TTC34: variants seen among roughly 807,000 people sequenced by gnomAD.
TTC34 encodes the protein tetratricopeptide repeat protein 34.
Under a neutral mutation model 40.7 loss-of-function variants are expected in TTC34, and 44 were observed. The ratio of observed to expected loss-of-function variants is 1.08; its 90% CI spans 0.85 to 1.39. The LOEUF (loss-of-function observed/expected upper bound fraction) is 1.39. Ranked by LOEUF, TTC34 falls within the 40% of genes most tolerant of loss-of-function variation. The pLI, the probability that TTC34 is intolerant of heterozygous loss-of-function variation, is 0.00. For missense variants in TTC34, 884 were observed against 838.0 expected (o/e 1.05, Z -0.68); for synonymous variants, 422 against 398.6 (o/e 1.06, Z -0.70).
intron 8 of TTC34, among the ~76,000 whole-genome samples, chr1:2,643,003 G>T (rs1206371838): frequency 6.6e-6 from 1 of 152,184 alleles, no homozygotes; most frequent in Non-Finnish European, 1.5e-5. Flanking sequence ...ACCTGACCCC[G>T]ACCCGTAGTT....
At chr1:2,673,376 G>A (rs1639770754) in intron 6 of TTC34, among the ~76,000 whole-genome samples, 1 of 67,922 alleles carries the variant, frequency 1.5e-5, no homozygotes, top group South Asian at 4.1e-4. Context: ...GCATCTGAGG[G>A]CCTGGGTCGG....
chr1:2,687,427 T>A (rs1188293071), intron 6 of TTC34, among the ~76,000 whole-genome samples: 1 of 55,968 alleles, frequency 1.8e-5, no homozygotes. Context: ...CATCTGATGG[T>A]CTGGAGCAGC....
At chr1:2,789,843 C>A (rs1163372973) in exon 3 of TTC34, 2 of 432,620 alleles carry the variant, frequency 4.6e-6, no homozygotes, top group African/African-American at 4.1e-5. Flanking sequence ...CGCCGCGAGT[C>A]CCCGGCGTGC....
intron 6 of TTC34, among the ~76,000 whole-genome samples, chr1:2,777,455 C>T (rs1398597680): frequency 6.6e-6 from 1 of 152,186 alleles, no homozygotes; most frequent in Non-Finnish European, 1.5e-5. Flanking sequence ...AAGTCCTGCC[C>T]CCCGGTTAGT....
At chr1:2,660,824 A>T (rs1386044833) in intron 6 of TTC34, among the ~76,000 whole-genome samples, 2 of 62,838 alleles carry the variant, frequency 3.2e-5, no homozygotes, top group Non-Finnish European at 6.1e-5. Context: ...CTGGAACAGC[A>T]CCCACATCCC....
At chr1:2,688,456 G>T (rs531142348) in intron 6 of TTC34, among the ~76,000 whole-genome samples, 106 of 117,528 alleles carry the variant, frequency 9.0e-4, no homozygotes, top group Admixed American at 5.1e-3. Flanking sequence ...ACACCCCTAG[G>T]TGAACATCCG....
chr1:2,784,676 T>G (rs995976788), intron 5 of TTC34, among the ~76,000 whole-genome samples: 28 of 152,194 alleles, frequency 1.8e-4, no homozygotes, highest in African/African-American at 6.3e-4. Flanking sequence ...CACCTGACCC[T>G]ACACCCACTG....
chr1:2,685,851 C>T (rs1198144979), intron 6 of TTC34, among the ~76,000 whole-genome samples: 2 of 120,936 alleles, frequency 1.7e-5, no homozygotes, highest in Non-Finnish European at 3.5e-5. Context: ...CCAGGTGAGC[C>T]TCTGACAGCC....
At chr1:2,773,031 T>G (rs911376862) in intron 6 of TTC34, among the ~76,000 whole-genome samples, 1 of 146,088 alleles carries the variant, frequency 6.8e-6, no homozygotes, top group Non-Finnish European at 1.5e-5. Context: ...CAGGCGAGCA[T>G]CTGACAGCCT....
rs1366112945 is a variant in TTC34, at chr1:2,645,140, G to C, written c.2497+153C>G. On this transcript the variant is annotated intron_variant, in intron 7 of 8. Transcript: ENST00000401095. The surrounding 1 kb of genome is among the most constrained non-coding windows in gnomAD (Gnocchi z 4.7). ...CGCCAGGCCTCACACAGGGAGCAGG[G>C]CCAGAGGTCATGGGATTTGGGGTGG... is the stretch of plus-strand genomic sequence containing the variant. Among the ~76,000 whole-genome samples the C allele has an allele frequency of 3.3e-5, 5 of 152,200 alleles. No individual in the cohort carries two copies. The highest frequency in any genetic ancestry group is 1.2e-4 in the African/African-American group (5 of 41,466).
chr1:2,787,673 C>A (rs1315990590), exon 4 of TTC34: 1 of 1,548,124 alleles, frequency 6.5e-7, no homozygotes, highest in Admixed American at 2.0e-5. Context: ...GCTCCATCAG[C>A]AGTGTGGCCA....
chr1:2,643,694 C>A (rs1053077882), intron 8 of TTC34, among the ~76,000 whole-genome samples: 1 of 152,252 alleles, frequency 6.6e-6, no homozygotes, highest in African/African-American at 2.4e-5. Context: ...CGAACTGCCC[C>A]TTACACTGGT....
intron 6 of TTC34, among the ~76,000 whole-genome samples, chr1:2,655,053 C>A (rs796427602): frequency 2.2e-5 from 3 of 133,700 alleles, no homozygotes; most frequent in Admixed American, 1.7e-4. Flanking sequence ...GCACGCTGCA[C>A]CCCCAAGTGA....
At chr1:2,672,757 A>C (rs1186980093) in intron 6 of TTC34, among the ~76,000 whole-genome samples, 33 of 55,432 alleles carry the variant, frequency 6.0e-4, no homozygotes, top group Non-Finnish European at 7.4e-4. Flanking sequence ...CCCACAGCCC[A>C]AGGTGAGCAT....
intron 6 of TTC34, among the ~76,000 whole-genome samples, chr1:2,687,045 C>T (rs1431849786): frequency 6.4e-4 from 93 of 144,866 alleles, no homozygotes; most frequent in Non-Finnish European, 8.8e-4. Context: ...CACCCACAAC[C>T]CCAGGCGTGC....
exon 2 of TTC34, chr1:2,800,629 G>C (rs1056442223): frequency 2.5e-6 from 1 of 398,412 alleles, no homozygotes; most frequent in Non-Finnish European, 4.4e-6. Flanking sequence ...CTGTCCCCGC[G>C]GCACCAGGAC....
chr1:2,652,376 G>C (rs1639170897), intron 6 of TTC34, among the ~76,000 whole-genome samples: 1 of 151,730 alleles, frequency 6.6e-6, no homozygotes, highest in Admixed American at 6.6e-5. Flanking sequence ...CCCCAGGTGA[G>C]CATCTGACAG....
chr1:2,797,636 C>T (rs753953688), intron 2 of TTC34, among the ~76,000 whole-genome samples: 7 of 152,186 alleles, frequency 4.6e-5, no homozygotes, highest in Middle Eastern at 3.4e-3. Context: ...GGGGTGGAGA[C>T]GCAGCCTCGT....
intron 6 of TTC34, among the ~76,000 whole-genome samples, chr1:2,688,684 C>G (rs1384060376): frequency 1.6e-5 from 2 of 127,718 alleles, no homozygotes; most frequent in South Asian, 2.5e-4. Context: ...TGGAACAGCA[C>G]CCTGCACCCC....
Sources: allele counts gnomAD v4.1 joint callset (sites outside exome capture counted in the v4.1 genomes callset), GRCh38; gene constraint gnomAD v4.1.1; non-coding constraint Gnocchi (gnomAD v3.1); transcripts MANE v1.5; gene names NCBI Gene and HGNC (gene_info 2026-07-23, HGNC 2026-07-21).